Variants in CNTNAP2 observed in about 807,000 individuals in gnomAD.
CNTNAP2 encodes contactin associated protein 2.
A neutral mutation model predicts 155.2 loss-of-function variants in CNTNAP2; 98 were observed. The observed-to-expected ratio is 0.63, with a 90% CI of 0.54 to 0.75. CNTNAP2 has a LOEUF of 0.75. Among genes scored for constraint, CNTNAP2 ranks in the 30% least tolerant of loss-of-function variants. CNTNAP2 has a pLI of 0.00. For missense variants in CNTNAP2, 1,727 were observed against 1,688.1 expected (o/e 1.02, Z -0.40); for synonymous variants, 651 against 631.2 (o/e 1.03, Z -0.47).
intron 13 of CNTNAP2, among the ~76,000 whole-genome samples, chr7:147,879,691 T>G (rs1331325710): frequency 1.3e-5 from 2 of 152,146 alleles, no homozygotes; most frequent in East Asian, 3.9e-4. Context: ...TGAAATTGTG[T>G]CTTTGAAACT....
chr7:147,707,726 A>T (rs1386081527), intron 13 of CNTNAP2, among the ~76,000 whole-genome samples: 1 of 152,222 alleles, frequency 6.6e-6, no homozygotes, highest in East Asian at 1.9e-4. Flanking sequence ...GGCAGTAGCA[A>T]TAGTGAGACA....
rs370373672 is a variant in CNTNAP2 at position 146,904,470 on chromosome 7, C to CTTTG, written c.402+64583_402+64586dup. 2.8e-3 allele frequency among the ~76,000 whole-genome samples: 433 copies of CTTTG among 152,112 alleles called. 3 individuals are homozygous for CTTTG. The highest frequency in any genetic ancestry group is 9.9e-3 in the African/African-American group (410 of 41,492). The stretch of plus-strand genomic sequence containing the variant: ...AACTTTGTTGAATGAGAGAATTCAT[C>CTTTG]TTTGTTTGTTTGTTTGTTTGAGACA... On this transcript the variant is annotated intron_variant, in intron 3 of 23. Coordinates refer to ENST00000361727, the MANE Select transcript of CNTNAP2 (RefSeq NM_014141.6).
At chr7:146,213,851 G>A (rs1799073519) in intron 1 of CNTNAP2, among the ~76,000 whole-genome samples, 1 of 152,080 alleles carries the variant, frequency 6.6e-6, no homozygotes, top group Non-Finnish European at 1.5e-5. Context: ...TTTTTCCATG[G>A]AATTCAGAGG....
At chr7:147,340,928 C>T (rs969472028) in intron 9 of CNTNAP2, among the ~76,000 whole-genome samples, 2 of 152,042 alleles carry the variant, frequency 1.3e-5, no homozygotes, top group East Asian at 1.9e-4. Flanking sequence ...TGACCTTACT[C>T]TCCCCAGCTC....
At chr7:147,065,708 T>C (rs995441801) in intron 4 of CNTNAP2, among the ~76,000 whole-genome samples, 2 of 152,178 alleles carry the variant, frequency 1.3e-5, no homozygotes, top group Admixed American at 6.6e-5. Flanking sequence ...ATCAATTTCT[T>C]AAAGACACAA....
intron 4 of CNTNAP2, among the ~76,000 whole-genome samples, chr7:147,075,315 G>A (rs1799974989): frequency 1.3e-5 from 2 of 152,034 alleles, no homozygotes. Context: ...TACAGCCTGG[G>A]TTCTCTTGAC....
chr7:147,000,656 G>A (rs567246401), intron 3 of CNTNAP2, among the ~76,000 whole-genome samples: 1 of 152,240 alleles, frequency 6.6e-6, no homozygotes, highest in Non-Finnish European at 1.5e-5. Context: ...GGCTGGTATA[G>A]TGACTGGTCA....
At chr7:146,161,782 C>G (rs1454609488) in intron 1 of CNTNAP2, among the ~76,000 whole-genome samples, 1 of 152,106 alleles carries the variant, frequency 6.6e-6, no homozygotes, top group Admixed American at 6.5e-5. Context: ...CTACAGTAAC[C>G]AAAACAGCAT....
At chr7:146,207,580 A>G (rs898217848) in intron 1 of CNTNAP2, among the ~76,000 whole-genome samples, 2 of 150,690 alleles carry the variant, frequency 1.3e-5, no homozygotes, top group Non-Finnish European at 3.0e-5. Flanking sequence ...ACAATGTGTT[A>G]GACAACAGAA....
intron 1 of CNTNAP2, among the ~76,000 whole-genome samples, chr7:146,691,916 C>CTTGGA (rs1478491534): frequency 6.1e-4 from 93 of 152,152 alleles, no homozygotes; most frequent in African/African-American, 2.2e-3. Context: ...ATGGTAACGT[C>CTTGGA]TTGGATTGGA....
intron 15 of CNTNAP2, among the ~76,000 whole-genome samples, chr7:148,077,256 G>A (rs1364997274): frequency 4.6e-5 from 7 of 151,200 alleles, no homozygotes; most frequent in South Asian, 4.2e-4. Context: ...GTGGTGAGCC[G>A]AGATCACGCC....
rs1795399188 is a variant in CNTNAP2, at chr7:148,203,503, G to A, written c.3011-13785G>A. Among the ~76,000 whole-genome samples the A allele has an allele frequency of 2.6e-5, 4 of 152,304 alleles. No individual in the cohort carries two copies. The South Asian group carries it at 8.3e-4, about 32-fold the overall frequency. ...CTCACATCTGTAATCCCAGCACTTA[G>A]GGAGGCTGAGGTGGGTGGATCACCT... On this transcript the variant is annotated intron_variant, in intron 18 of 23. Coordinates refer to ENST00000361727, the MANE Select transcript of CNTNAP2 (RefSeq NM_014141.6).
intron 9 of CNTNAP2, among the ~76,000 whole-genome samples, chr7:147,332,832 A>T (rs2116844791): frequency 6.6e-6 from 1 of 152,270 alleles, no homozygotes; most frequent in Non-Finnish European, 1.5e-5. Context: ...ACTGCGCTCC[A>T]TCCTGGATGA....
chr7:148,184,582 C>T (rs1274113798), intron 18 of CNTNAP2, among the ~76,000 whole-genome samples: 1 of 152,228 alleles, frequency 6.6e-6, no homozygotes, highest in African/African-American at 2.4e-5. Context: ...TCCTCAAAGG[C>T]ACCAAAATGT....
chr7:147,148,280 C>T (rs928720151), intron 8 of CNTNAP2, among the ~76,000 whole-genome samples: 1 of 149,108 alleles, frequency 6.7e-6, no homozygotes, highest in East Asian at 2.0e-4. Context: ...GTCCCAGCTA[C>T]TTGGGAGGCT....
At chr7:147,010,178 T>A (rs1246601243) in intron 3 of CNTNAP2, among the ~76,000 whole-genome samples, 1 of 151,834 alleles carries the variant, frequency 6.6e-6, no homozygotes, top group East Asian at 1.9e-4. Context: ...CCAAGCTGAT[T>A]TTTGTATTTT....
In CNTNAP2 at chr7:147,848,872, T is replaced by C. The variant is rs1449162080; in HGVS notation, c.2099-54693T>C. On this transcript the variant is annotated intron_variant, in intron 13 of 23. Transcript: ENST00000361727. ...CCAAACCTCTCAATGAATAACTGTATTGTTGACAGTTTGGGAGGAATTTTA... is the reference window on the plus strand; with the variant it reads ...CCAAACCTCTCAATGAATAACTGTACTGTTGACAGTTTGGGAGGAATTTTA... Among the ~76,000 whole-genome samples the C allele has an allele frequency of 2.6e-5, 4 of 152,250 alleles. No homozygotes were observed. The East Asian group carries it at 7.7e-4, about 29-fold the overall frequency.
intron 15 of CNTNAP2, among the ~76,000 whole-genome samples, chr7:148,076,631 T>A (rs1486069716): frequency 6.6e-6 from 1 of 151,608 alleles, no homozygotes; most frequent in African/African-American, 2.4e-5. Flanking sequence ...CAGACGGGGT[T>A]TCACCGTGTT....
intron 8 of CNTNAP2, among the ~76,000 whole-genome samples, chr7:147,254,157 A>G (rs1345155380): frequency 6.6e-6 from 1 of 152,160 alleles, no homozygotes; most frequent in Non-Finnish European, 1.5e-5. Flanking sequence ...GATACCAGTC[A>G]GGGTGCAAGA....
Sources: allele counts gnomAD v4.1 joint callset (sites outside exome capture counted in the v4.1 genomes callset), GRCh38; gene constraint gnomAD v4.1.1; transcripts MANE v1.5; gene names NCBI Gene and HGNC (gene_info 2026-07-23, HGNC 2026-07-21).